The following MAGEA11 variants were observed in gnomAD, a reference collection of about 807,000 sequenced individuals.
The protein encoded by MAGEA11 is melanoma-associated antigen 11.
In MAGEA11, 1 loss-of-function variant was observed where a neutral mutation model predicts 8.4. The ratio of observed to expected loss-of-function variants is 0.12; its 90% CI spans 0.04 to 0.57. MAGEA11 has a LOEUF of 0.57. MAGEA11 is among the 20% of genes least tolerant of loss of function. The pLI is 0.91. For synonymous variants in MAGEA11, 127 were observed against 119.3 expected (o/e 1.06, Z -0.42); for missense variants, 209 against 317.3 (o/e 0.66, Z 2.59).
At chrX:149,698,453 C>A (rs1351516871) in intron 1 of MAGEA11, among the ~76,000 whole-genome samples, 9 of 111,642 alleles carry the variant, frequency 8.1e-5, no homozygotes, top group African/African-American at 2.6e-4. Flanking sequence ...TATTGAATTT[C>A]TGAGACAAAT....
intron 1 of MAGEA11, 44 bp from the exon 2 acceptor site, chrX:149,713,099 C>G: frequency 1.1e-6 from 1 of 893,782 alleles, no homozygotes; most frequent in Non-Finnish European, 1.6e-6. Context: ...AACAGCCCCC[C>G]CCCATAGTCC....
chrX:149,713,256 G>T lies in MAGEA11; in HGVS notation c.96+1G>T. The T allele has an allele frequency of 8.6e-7, 1 of 1,161,215 alleles. No homozygotes were observed. On this transcript the variant is annotated splice_donor_variant, in intron 2 of 4. Coordinates refer to ENST00000355220, the MANE Select transcript of MAGEA11 (RefSeq NM_005366.5). LOFTEE classifies it high-confidence loss of function. ...GGACTCAGGAGACTTTGGACTCCAG[G>T]TCAGTAGGGACCTTGGCCCTTGGAG...
At chrX:149,713,294 G>A (rs375047042) in intron 2 of MAGEA11, 39 bp downstream of exon 2, 1 of 877,182 alleles carries the variant, frequency 1.1e-6, no homozygotes. Context: ...CCAAGGCACG[G>A]TGGCCACATG....
chrX:149,712,258 G>A, intron 1 of MAGEA11, 96 bp downstream of exon 1: 1 of 415,706 alleles, frequency 2.4e-6, no homozygotes, highest in Non-Finnish European at 3.0e-6. Flanking sequence ...AAACAACAGG[G>A]GACCAAATTA....
At chrX:149,707,679 C>G (rs1675495243), upstream of MAGEA11, among the ~76,000 whole-genome samples, 1 of 112,186 alleles carries the variant, frequency 8.9e-6, no homozygotes, top group Non-Finnish European at 1.9e-5. Flanking sequence ...CGACAACTGC[C>G]ATATAAAAAG....
rs142051251 is a variant in MAGEA11, at chrX:149,705,900, T to C, written c.10-8581T>C. 8.7e-3 allele frequency among the ~76,000 whole-genome samples: 943 copies of C among 108,706 alleles called. 15 individuals are homozygous for C. Among genetic ancestry groups the C allele is most frequent in the African/African-American group, 0.03 (904 of 30,254 alleles). The allele number at this position is 108,706 out of a possible 115,157, so 94.4% of individuals were successfully genotyped here. On this transcript the variant is annotated intron_variant, in intron 1 of 3. Transcript: ENST00000333104. ...GTGCTGTGAGACCCCCTAGCTGCTC[T>C]AGCCCTGCAACACTTAGGCATCCTA...
At chrX:149,713,303 T>C (rs2090411445) in intron 2 of MAGEA11, 48 bp downstream of exon 2, 2 of 828,427 alleles carry the variant, frequency 2.4e-6, no homozygotes, top group Non-Finnish European at 3.5e-6. Flanking sequence ...GGTGGCCACA[T>C]GTGGTGCATC....
At chrX:149,697,412 C>G (rs1414544182) in intron 1 of MAGEA11, among the ~76,000 whole-genome samples, 1 of 111,302 alleles carries the variant, frequency 9.0e-6, no homozygotes, top group Admixed American at 9.5e-5. Context: ...AGTTTTTGCT[C>G]TTCCCAGGCC....
chrX:149,713,849 AGGT>A (rs2090414294), intron 2 of MAGEA11: 1 of 112,331 alleles, frequency 8.9e-6, no homozygotes, highest in Admixed American at 9.4e-5. Context: ...TGAAGACTGA[AGGT>A]AAGAATGTAC....
chrX:149,708,418 C>T (rs184505285), upstream of MAGEA11, among the ~76,000 whole-genome samples: 160 of 111,240 alleles, frequency 1.4e-3, 2 homozygotes, highest in Non-Finnish European at 2.6e-3. Context: ...ACACGTACCC[C>T]CTGAATCTAA....
chrX:149,709,060 G>C (rs1417517701), upstream of MAGEA11, among the ~76,000 whole-genome samples: 1 of 109,968 alleles, frequency 9.1e-6, no homozygotes, highest in Non-Finnish European at 1.9e-5. Flanking sequence ...GCCGAGACAG[G>C]TGGATCACGA....
At chrX:149,707,970 G>T (rs1191523454), upstream of MAGEA11, among the ~76,000 whole-genome samples, 3 of 112,291 alleles carry the variant, frequency 2.7e-5, no homozygotes, top group Non-Finnish European at 5.6e-5. Flanking sequence ...GAGGTTATTT[G>T]TTTTTGTTTG....
chrX:149,707,576 T>G (rs1169596155), upstream of MAGEA11, among the ~76,000 whole-genome samples: 1 of 112,274 alleles, frequency 8.9e-6, no homozygotes, highest in Non-Finnish European at 1.9e-5. Context: ...ATCATGAAAT[T>G]TTACTGGTTG....
In MAGEA11 at chrX:149,702,264, G is replaced by C. The variant is rs148548540; in HGVS notation, c.10-12217G>C. The stretch of plus-strand genomic sequence containing the variant: ...TCTTGTTATACCTTTATTGAAATTA[G>C]GGTTTAAAGTCTCCAATAATTATTG... On this transcript the variant is annotated intron_variant, in intron 1 of 3. Transcript: ENST00000333104. Among the ~76,000 whole-genome samples the C allele has an allele frequency of 5.6e-3, 616 of 110,826 alleles. 3 individuals are homozygous for C. Among genetic ancestry groups the C allele is most frequent in the African/African-American group, 9.9e-3 (304 of 30,567 alleles).
intron 1 of MAGEA11, among the ~76,000 whole-genome samples, chrX:149,704,625 T>C (rs1557361270): frequency 8.9e-6 from 1 of 111,837 alleles, no homozygotes; most frequent in East Asian, 2.8e-4. Flanking sequence ...CAGGAAGACT[T>C]CCATTGACCT....
chrX:149,714,495 C>T lies in MAGEA11; in HGVS notation c.111C>T (p.Phe37=), dbSNP rs2090417376. ...ATCTTGGGCAGGTGAGCACTATGTT[C>T]TCAGAGGACGACTTCCAGTCAACAG... The part of the protein sequence containing the change: ...GDFGLQVSTM[F]SEDDFQSTER... Residue 37 remains phenylalanine, a synonymous_variant, in exon 3 of 5, where the codon TTC becomes TTT. Transcript: ENST00000355220. The T allele has an allele frequency of 9.1e-6, 11 of 1,209,309 alleles. 1 individual carries two copies. The Admixed American group carries it at 2.0e-4, about 22-fold the overall frequency.
At chrX:149,690,600 G>A (rs2090306119) in intron 1 of MAGEA11, among the ~76,000 whole-genome samples, 2 of 112,484 alleles carry the variant, frequency 1.8e-5, no homozygotes, top group Admixed American at 9.4e-5. Flanking sequence ...TACATATGTT[G>A]TAAGCCACAT....
intron 1 of MAGEA11, among the ~76,000 whole-genome samples, chrX:149,705,141 G>A (rs1206741308): frequency 4.4e-5 from 5 of 112,796 alleles, no homozygotes; most frequent in African/African-American, 6.4e-5. Flanking sequence ...AGGAAAAGCT[G>A]ACAGGGTAAT....
chrX:149,695,468 C>CCA (rs1241391535), intron 1 of MAGEA11, among the ~76,000 whole-genome samples: 1 of 111,026 alleles, frequency 9.0e-6, no homozygotes. Context: ...GAGAGACAAC[C>CCA]CACAGATTGA....
Sources: allele counts gnomAD v4.1 joint callset (sites outside exome capture counted in the v4.1 genomes callset), GRCh38; gene constraint gnomAD v4.1.1; transcripts MANE v1.5; gene names NCBI Gene and HGNC (gene_info 2026-07-23, HGNC 2026-07-21).